Variants in COL4A4 observed in about 807,000 individuals in gnomAD.
The protein encoded by COL4A4 is collagen alpha-4(IV) chain.
COL4A4 carries 105 observed loss-of-function variants against 192.9 expected under a neutral mutation model. That is an observed-to-expected ratio of 0.54 (90% CI 0.46 to 0.64). The LOEUF (loss-of-function observed/expected upper bound fraction) is 0.64, where lower values mean the gene tolerates loss of function less well. Among genes scored for constraint, COL4A4 ranks in the 30% least tolerant of loss-of-function variants. The pLI is 0.00. For synonymous variants in COL4A4, 762 were observed against 769.9 expected, an observed-to-expected ratio of 0.99 and a Z score of 0.17; for missense variants, 1,967 against 2,169.3, an observed-to-expected ratio of 0.91 and a Z score of 1.85.
At chr2:226,975,133 C>G in the COL4A4 span, among the ~76,000 whole-genome samples, 1 of 152,110 alleles carries the variant, frequency 6.6e-6, no homozygotes, top group Non-Finnish European at 1.5e-5. Context: ...CAGATCTGAG[C>G]TCTCCTAGGG....
Position 227,035,345 on chromosome 2 carries a change from T to C in COL4A4, c.3506-1864A>G, listed in dbSNP as rs1056850988. ...CAGAAGTTAGAGGTATCAGTTTGCA[T>C]ATAAATAATTCAAGTGCTAATTATT... On this transcript the variant is annotated intron_variant, in intron 37 of 47. Transcript: ENST00000396625. 1.1e-4 allele frequency among the ~76,000 whole-genome samples: 17 copies of C among 152,222 alleles called. 1 individual carries two copies. The highest frequency in any genetic ancestry group is 2.9e-5 in the Non-Finnish European group (2 of 68,042).
chr2:227,080,291 C>G (rs963809966), intron 24 of COL4A4, 152 bp downstream of exon 24: 20 of 741,232 alleles, frequency 2.7e-5, no homozygotes, highest in Non-Finnish European at 3.1e-5. Flanking sequence ...AAACAATCAT[C>G]TTTCCATGTC....
rs915837167 is a variant in COL4A4 at position 227,103,173 on chromosome 2, C to A, written c.841G>T (p.Val281Phe). Residue 281 changes from valine to phenylalanine, a missense_variant, in exon 14 of 48, where the codon GTT (valine) becomes TTT (phenylalanine). Coordinates refer to ENST00000396625, the MANE Select transcript of COL4A4 (RefSeq NM_000092.5). ...EKGIKGIPGM[V>F]GLPGPPGRKG... ...CGTCCTGGTGGTCCTGGCAGTCCAA[C>A]CATTCCAGGAATTCCTTTTATACCC... 5 of 1,612,718 alleles carry A rather than the reference C, an allele frequency of 3.1e-6. No homozygotes were observed. The African/African-American group carries it at 5.4e-5, about 17-fold the overall frequency.
At chr2:227,034,389 CG>C (rs1969105105) in intron 37 of COL4A4, among the ~76,000 whole-genome samples, 1 of 152,054 alleles carries the variant, frequency 6.6e-6, no homozygotes, top group African/African-American at 2.4e-5. Context: ...GAATATTTAT[CG>C]AGCATCTCCA....
chr2:227,150,958 A>G (rs914245663), intron 1 of COL4A4, among the ~76,000 whole-genome samples: 3 of 152,070 alleles, frequency 2.0e-5, no homozygotes, highest in Non-Finnish European at 4.4e-5. Context: ...ATAGCTACAA[A>G]GAATATAATT....
intron 37 of COL4A4, among the ~76,000 whole-genome samples, chr2:227,041,776 A>G (rs1971019293): frequency 4.4e-5 from 3 of 68,606 alleles, no homozygotes; most frequent in African/African-American, 1.1e-4. Flanking sequence ...GGAAGGAAGG[A>G]AGGAAGGAAG....
At chr2:227,052,758 G>C (rs1012398225) in intron 31 of COL4A4, among the ~76,000 whole-genome samples, 8 of 152,102 alleles carry the variant, frequency 5.3e-5, no homozygotes, top group Non-Finnish European at 1.2e-4. Context: ...ATTTGGATTT[G>C]CCCATCTCAT....
chr2:227,142,783 A>T (rs1486408477), intron 3 of COL4A4, among the ~76,000 whole-genome samples: 1 of 152,124 alleles, frequency 6.6e-6, no homozygotes, highest in Non-Finnish European at 1.5e-5. Context: ...AGTTCAAACA[A>T]AGAAGTTATT....
chr2:227,114,650 A>G lies in COL4A4; in HGVS notation c.536T>C (p.Leu179Ser). The G allele has an allele frequency of 6.2e-7, 1 of 1,614,062 alleles. No homozygotes were observed. The highest frequency in any genetic ancestry group is 8.5e-7 in the Non-Finnish European group (1 of 1,179,908). ...TACCTGAATACCTTTAACGGCACCT[A>G]AAATGAACACTGAATTTCCTTTTTC... is the stretch of plus-strand genomic sequence containing the variant. ...KGEKGNSVFI[L>S]GAVKGIQGDR... The change falls in exon 8 of 48, where the codon TTA becomes TCA. Residue 179 changes from leucine (L) to serine (S), a missense_variant. Coordinates refer to ENST00000396625, the MANE Select transcript of COL4A4 (RefSeq NM_000092.5).
intron 1 of COL4A4, among the ~76,000 whole-genome samples, chr2:227,149,964 G>A (rs528268816): frequency 6.6e-6 from 1 of 152,348 alleles, no homozygotes; most frequent in East Asian, 1.9e-4. Context: ...AGTAGCCAAT[G>A]CATTCTCATC....
chr2:226,993,322 C>T, the COL4A4 span, among the ~76,000 whole-genome samples: 7 of 152,192 alleles, frequency 4.6e-5, no homozygotes, highest in South Asian at 6.2e-4. Context: ...GGTGCCACGT[C>T]GAGCTTGCTT....
chr2:227,137,144 C>T (rs2062868275), intron 4 of COL4A4, among the ~76,000 whole-genome samples: 2 of 152,134 alleles, frequency 1.3e-5, no homozygotes, highest in East Asian at 1.9e-4. Context: ...AGCAGAGTGC[C>T]GCTCAGGACT....
In COL4A4 at chr2:227,144,525, A is replaced by C. The variant is rs756672670; in HGVS notation, c.105T>G (p.Tyr35Ter). Residue 35 changes from tyrosine to a stop codon, truncating the protein, a stop_gained, in exon 3 of 48, where the codon TAT becomes TAG. Transcript: ENST00000396625. LOFTEE classifies it high-confidence loss of function. The part of the protein sequence containing the change: ...SLILILFSVQ[Y>*]VYGSGKKYIG... ...TAGTGAATGTACTTACCCCATATAC[A>C]TATTGTACAGAAAAGAGAATGAGTA... The C allele has an allele frequency of 1.9e-6, 3 of 1,610,280 alleles. No individual in the cohort carries two copies. The highest frequency in any genetic ancestry group is 2.5e-6 in the Non-Finnish European group (3 of 1,176,596).
intron 14 of COL4A4, 57 bp from the exon 15 acceptor site, chr2:227,102,905 AAAGCAATATTTCAGCAATAGGG>A (rs1478254978): frequency 3.5e-4 from 67 of 191,878 alleles, no homozygotes; most frequent in Non-Finnish European, 4.5e-4. Context: ...AGCAATAGGG[AAAGCAATATTTCAGCAATAGGG>A]AAAAAAAACA....
At chr2:227,031,277 C>T (rs1478134121) in intron 40 of COL4A4, among the ~76,000 whole-genome samples, 1 of 152,064 alleles carries the variant, frequency 6.6e-6, no homozygotes, top group Non-Finnish European at 1.5e-5. Context: ...CCCTAAAATC[C>T]TAAAGATTCA....
rs1321846077 is a variant in COL4A4, at chr2:227,098,764, A to G, written c.1134T>C (p.Tyr378=). ...PPGDPGFPGR[Y]GETGDVGPPG... ...GTGGTCCAACATCCCCTGTTTCTCC[A>G]TAGCGGCCAGGGAACCCTGGGTCCC... Residue 378 remains tyrosine (Y), a synonymous_variant, in exon 19 of 48, where the codon TAT becomes TAC. Transcript: ENST00000396625. 1.2e-6 allele frequency: 2 copies of G among 1,614,064 alleles called. No homozygotes were observed. The highest frequency in any genetic ancestry group is 1.7e-6 in the Non-Finnish European group (2 of 1,179,978).
chr2:227,010,666 T>C (rs890392603), intron 45 of COL4A4, among the ~76,000 whole-genome samples, 165 bp from the exon 46 acceptor site: 2 of 152,138 alleles, frequency 1.3e-5, no homozygotes, highest in South Asian at 2.1e-4. Context: ...ACAGCTGCAG[T>C]ACATAGAACA....
intron 1 of COL4A4, among the ~76,000 whole-genome samples, chr2:227,152,242 T>C (rs1485309844): frequency 6.6e-6 from 1 of 152,176 alleles, no homozygotes; most frequent in Non-Finnish European, 1.5e-5. Flanking sequence ...GCCTTTCTTT[T>C]GAAAAGCAGG....
rs771388007 is a variant in COL4A4 at position 227,095,109 on chromosome 2, CT to C, written c.1205-821del. Among the ~76,000 whole-genome samples the C allele has an allele frequency of 4.6e-5, 7 of 152,308 alleles. No homozygotes were observed. In the Middle Eastern group the frequency reaches 0.01, roughly 222 times the overall value. On this transcript the variant is annotated intron_variant, in intron 19 of 47. Transcript: ENST00000396625. Reference sequence around the variant, plus strand: ...GGTTTAGAGAATCAGATTTTCTTACCTTTTCCCCATTCTTTAGGATTATTGG... The same window carrying C: ...GGTTTAGAGAATCAGATTTTCTTACCTTTCCCCATTCTTTAGGATTATTGG...
Sources: allele counts gnomAD v4.1 joint callset (sites outside exome capture counted in the v4.1 genomes callset), GRCh38; gene constraint gnomAD v4.1.1; transcripts MANE v1.5; gene names NCBI Gene and HGNC (gene_info 2026-07-23, HGNC 2026-07-21).